RXRA: variants seen among roughly 807,000 people sequenced by gnomAD.
The protein encoded by RXRA is retinoic acid receptor RXR-alpha.
A neutral mutation model predicts 44.5 loss-of-function variants in RXRA; 5 were observed. That is an observed-to-expected ratio of 0.11 (90% CI 0.06 to 0.24). The LOEUF is 0.24. RXRA is among the 10% of genes least tolerant of loss of function. RXRA has a pLI of 1.00. For missense variants in RXRA, 412 were observed against 646.5 expected, an observed-to-expected ratio of 0.64 and a Z score of 3.93; for synonymous variants, 291 against 271.4, an observed-to-expected ratio of 1.07 and a Z score of -0.71.
intron 7 of RXRA, 45 bp downstream of exon 7, chr9:134,429,285 G>A (rs182039232): frequency 2.1e-5 from 33 of 1,592,830 alleles, no homozygotes; most frequent in East Asian, 9.0e-5. Flanking sequence ...GGTCACCTCC[G>A]CCACCAGGCC....
intron 6 of RXRA, chr9:134,422,723 T>A (rs1034863552): frequency 1.0e-6 from 1 of 985,358 alleles, no homozygotes. Flanking sequence ...TATGGGACTG[T>A]TGGGGGAAGG....
intron 1 of RXRA, among the ~76,000 whole-genome samples, chr9:134,341,103 A>T (rs1830080204): frequency 6.6e-6 from 1 of 152,084 alleles, no homozygotes; most frequent in South Asian, 2.1e-4. Context: ...CCTGGTGGGG[A>T]CAGGGAGAGG....
chr9:134,327,167 TG>T (rs1481660198), intron 1 of RXRA, among the ~76,000 whole-genome samples: 1 of 151,976 alleles, frequency 6.6e-6, no homozygotes. Context: ...ACTGGGACCC[TG>T]TTATCCCCAA....
chr9:134,393,971 G>T (rs913586390), intron 1 of RXRA, among the ~76,000 whole-genome samples: 5 of 152,040 alleles, frequency 3.3e-5, no homozygotes, highest in South Asian at 2.1e-4. Context: ...AACTTGCTCA[G>T]TATGGCCAAG....
At chr9:134,410,318 G>A (rs991458645) in intron 4 of RXRA, among the ~76,000 whole-genome samples, 6 of 152,224 alleles carry the variant, frequency 3.9e-5, no homozygotes, top group Non-Finnish European at 5.9e-5. Context: ...ATGGAGTGCT[G>A]ACGTTTGCTC....
intron 1 of RXRA, among the ~76,000 whole-genome samples, chr9:134,359,758 C>T (rs1830326930): frequency 1.3e-5 from 2 of 151,502 alleles, no homozygotes; most frequent in South Asian, 2.1e-4. Flanking sequence ...ACACGCAGCC[C>T]CGCCCCTCCC....
At position 134,353,526 on chromosome 9, in the gene RXRA, C is replaced by T. The variant is rs917885807; in HGVS notation, c.28+26867C>T. Among the ~76,000 whole-genome samples, 5 of 152,250 alleles carry T rather than the reference C, an allele frequency of 3.3e-5. 1 individual carries two copies. The South Asian group carries it at 6.2e-4, about 19-fold the overall frequency. On this transcript the variant is annotated intron_variant, in intron 1 of 9. Transcript: ENST00000481739. ...GCAAACCGTCACTTACTTTCAAAGG[C>T]GTGTTCATTGCCCAGTGGTGCCCCA...
chr9:134,416,552 C>T lies in RXRA; in HGVS notation c.611-606C>T, dbSNP rs34020578. ...CAGGGTGGGGCCGGGCGCCTGCCCT[C>T]CATTTCTGGCAGGGCCCAGTGTCCT... On this transcript the variant is annotated intron_variant, in intron 4 of 9. Coordinates refer to ENST00000481739, the MANE Select transcript of RXRA (RefSeq NM_002957.6). Among the ~76,000 whole-genome samples the T allele has an allele frequency of 9.2e-5, 14 of 152,192 alleles. 1 individual carries two copies. The highest frequency in any genetic ancestry group is 9.2e-4 in the Admixed American group (14 of 15,292).
intron 4 of RXRA, among the ~76,000 whole-genome samples, chr9:134,415,214 CAG>C (rs1418740559): frequency 6.6e-6 from 1 of 152,196 alleles, no homozygotes; most frequent in African/African-American, 2.4e-5. Context: ...ACTGTTGGCA[CAG>C]GGTGGCTGAG....
intron 1 of RXRA, among the ~76,000 whole-genome samples, chr9:134,367,307 G>T (rs745620269): frequency 1.3e-5 from 2 of 152,196 alleles, no homozygotes; most frequent in Non-Finnish European, 2.9e-5. Flanking sequence ...TGCTGCGCTG[G>T]GCAGGGACTG....
intron 1 of RXRA, among the ~76,000 whole-genome samples, chr9:134,400,803 C>T (rs1830947034): frequency 6.6e-6 from 1 of 152,196 alleles, no homozygotes; most frequent in South Asian, 2.1e-4. Flanking sequence ...GTTCCTGGCA[C>T]ACACCAAGGC....
intron 1 of RXRA, among the ~76,000 whole-genome samples, chr9:134,360,300 C>T (rs189863453): frequency 6.6e-6 from 1 of 152,290 alleles, no homozygotes; most frequent in African/African-American, 2.4e-5. Context: ...GCCTGTCGGG[C>T]GGCAGGGCAG....
chr9:134,359,306 C>T lies in RXRA; in HGVS notation c.28+32647C>T, dbSNP rs559833983. On this transcript the variant is annotated intron_variant, in intron 1 of 9. Coordinates refer to ENST00000481739, the MANE Select transcript of RXRA (RefSeq NM_002957.6). ...GAGATGGGTGTGCTGCTGCCGCCGG[C>T]GGCTCTGAAGTGGGCTTCGAAAGCT... Among the ~76,000 whole-genome samples the T allele has an allele frequency of 1.2e-4, 19 of 152,198 alleles. No homozygotes were observed. The East Asian group carries it at 2.9e-3, about 23-fold the overall frequency.
chr9:134,382,837 C>T (rs1043692079), intron 1 of RXRA, among the ~76,000 whole-genome samples: 29 of 152,172 alleles, frequency 1.9e-4, no homozygotes, highest in African/African-American at 6.8e-4. Flanking sequence ...AGGCCCTGCC[C>T]ACCTGAGAGC....
At chr9:134,427,741 C>T (rs994660635) in intron 6 of RXRA, among the ~76,000 whole-genome samples, 1 of 152,166 alleles carries the variant, frequency 6.6e-6, no homozygotes, top group African/African-American at 2.4e-5. Flanking sequence ...CACGGTGGTC[C>T]CCACCAACTT....
At chr9:134,347,944 C>T (rs1208124196) in intron 1 of RXRA, among the ~76,000 whole-genome samples, 1 of 151,956 alleles carries the variant, frequency 6.6e-6, no homozygotes. Context: ...AGGATGGACC[C>T]CAGGGGCAGG....
At chr9:134,381,817 G>A (rs933359495) in intron 1 of RXRA, among the ~76,000 whole-genome samples, 8 of 152,120 alleles carry the variant, frequency 5.3e-5, no homozygotes, top group African/African-American at 1.7e-4. Context: ...CAGCAGGGGC[G>A]CACTGCACCT....
intron 1 of RXRA, among the ~76,000 whole-genome samples, chr9:134,331,472 T>C (rs1052849771): frequency 1.3e-5 from 2 of 152,228 alleles, no homozygotes; most frequent in Admixed American, 6.5e-5. Context: ...CCTGGCGCTG[T>C]TGGCCGCTGG....
At chr9:134,385,737 C>T (rs538001075) in intron 1 of RXRA, among the ~76,000 whole-genome samples, 31 of 152,372 alleles carry the variant, frequency 2.0e-4, no homozygotes, top group Non-Finnish European at 3.1e-4. Context: ...TCCAGCACTC[C>T]TGCATGCCGG....
Sources: allele counts gnomAD v4.1 joint callset (sites outside exome capture counted in the v4.1 genomes callset), GRCh38; gene constraint gnomAD v4.1.1; transcripts MANE v1.5; gene names NCBI Gene and HGNC (gene_info 2026-07-23, HGNC 2026-07-21).